Variants in NFATC3 observed in about 807,000 individuals in gnomAD.
NFATC3 encodes nuclear factor of activated T-cells, cytoplasmic 3.
Under a neutral mutation model 98.6 loss-of-function variants are expected in NFATC3, and 46 were observed. The observed-to-expected ratio is 0.47, with a 90% CI of 0.37 to 0.60. NFATC3 has a LOEUF of 0.60. Among genes scored for constraint, NFATC3 ranks in the 20% least tolerant of loss-of-function variants. The pLI is 0.00. For synonymous variants in NFATC3, 512 were observed against 472.2 expected (o/e 1.08, Z -1.09); for missense variants, 1,256 against 1,295.5 (o/e 0.97, Z 0.47).
chr16:68,119,113 C>T (rs901972498), intron 1 of NFATC3, among the ~76,000 whole-genome samples: 4 of 152,112 alleles, frequency 2.6e-5, no homozygotes, highest in Admixed American at 6.6e-5. Flanking sequence ...GTGATCCACC[C>T]GCCTCGGCCT....
rs139200618 is a variant in NFATC3, at chr16:68,193,114, A to G, written c.3106+1339A>G. Among the ~76,000 whole-genome samples, 763 of 152,280 alleles carry G rather than the reference A, an allele frequency of 5.0e-3. 8 individuals are homozygous for G. Among genetic ancestry groups the G allele is most frequent in the African/African-American group, 0.017 (697 of 41,542 alleles). ...TTTTTTTTCTTGTCTTATTCCCTAA[A>G]CAATATAATATTACAACTGTTCCCA... On this transcript the variant is annotated intron_variant, in intron 9 of 9. Transcript: ENST00000346183.
intron 1 of NFATC3, among the ~76,000 whole-genome samples, chr16:68,109,573 A>G (rs1487366968): frequency 1.3e-5 from 2 of 152,164 alleles, no homozygotes; most frequent in Non-Finnish European, 2.9e-5. Context: ...TGGTATCAGG[A>G]TAATGCTGGC....
At chr16:68,151,779 C>G (rs965651871) in intron 3 of NFATC3, among the ~76,000 whole-genome samples, 3 of 152,134 alleles carry the variant, frequency 2.0e-5, no homozygotes, top group Non-Finnish European at 4.4e-5. Flanking sequence ...TTAAGAAATA[C>G]CATTCTAAGT....
Position 68,183,785 on chromosome 16 carries a change from C to T in NFATC3, c.2098+419C>T, listed in dbSNP as rs377449458. On this transcript the variant is annotated intron_variant, in intron 8 of 9. Coordinates refer to ENST00000346183, the MANE Select transcript of NFATC3 (RefSeq NM_173165.3). ...TAGGGAGGCCGAGGCGGGAGGATCA[C>T]CTGAGGTTGGGAGTTTGAGACCAGC... Among the ~76,000 whole-genome samples, 45 of 152,062 alleles carry T rather than the reference C, an allele frequency of 3.0e-4. No homozygotes were observed. In the South Asian group the frequency reaches 9.1e-3, roughly 31 times the overall value.
rs937094009 is a variant in NFATC3, at chr16:68,085,412, G to T, written c.-270G>T. ...CCGCGGCGGCGGTGGCGGCGACTGT[G>T]GGGGGGCGGCGGGGAACATTGGCTA... On this transcript the variant is annotated 5_prime_UTR_variant, in exon 1 of 10. Coordinates refer to ENST00000346183, the MANE Select transcript of NFATC3 (RefSeq NM_173165.3). 48 of 246,532 alleles carry T rather than the reference G, an allele frequency of 1.9e-4. No individual in the cohort carries two copies. The highest frequency in any genetic ancestry group is 5.8e-4 in the East Asian group (8 of 13,684). The allele number at this position is 246,532 out of a possible 1,614,324, so 15.3% of individuals were successfully genotyped here.
At chr16:68,163,570 T>TC (rs2039014521) in intron 4 of NFATC3, among the ~76,000 whole-genome samples, 1 of 148,954 alleles carries the variant, frequency 6.7e-6, no homozygotes, top group Admixed American at 6.6e-5. Context: ...CTGGACGGGG[T>TC]GGCTGCCGGG....
chr16:68,223,873 T>G (rs1598636900), intron 9 of NFATC3, among the ~76,000 whole-genome samples: 1 of 136,288 alleles, frequency 7.3e-6, no homozygotes, highest in African/African-American at 2.8e-5. Flanking sequence ...CTAGCCTCGG[T>G]GACAGAGCAA....
At chr16:68,183,988 G>A (rs1024993731) in intron 8 of NFATC3, among the ~76,000 whole-genome samples, 2 of 130,670 alleles carry the variant, frequency 1.5e-5, no homozygotes, top group Non-Finnish European at 3.1e-5. Flanking sequence ...CCTGGGAAAC[G>A]AGCGAAACTC....
At chr16:68,104,616 C>T (rs941850127) in intron 1 of NFATC3, among the ~76,000 whole-genome samples, 3 of 149,782 alleles carry the variant, frequency 2.0e-5, no homozygotes, top group African/African-American at 7.4e-5. Flanking sequence ...TTTTGTTTTA[C>T]ACCACTATGA....
At chr16:68,107,029 C>A (rs1319071368) in intron 1 of NFATC3, among the ~76,000 whole-genome samples, 1 of 152,060 alleles carries the variant, frequency 6.6e-6, no homozygotes, top group Non-Finnish European at 1.5e-5. Flanking sequence ...GTTTTCTGTT[C>A]CTGCATTAGT....
intron 5 of NFATC3, among the ~76,000 whole-genome samples, chr16:68,173,958 G>T (rs1387115929): frequency 6.6e-6 from 1 of 152,060 alleles, no homozygotes; most frequent in East Asian, 1.9e-4. Flanking sequence ...AGACCAGGCT[G>T]GACGACAAAG....
intron 1 of NFATC3, among the ~76,000 whole-genome samples, chr16:68,100,907 G>GGTGTGTGTGT (rs753839799): frequency 7.0e-6 from 1 of 142,824 alleles, no homozygotes; most frequent in African/African-American, 2.5e-5. Context: ...GTGTGTGTGG[G>GGTGTGTGTGT]GTGTGTGTGT....
rs2230093 is a variant in NFATC3, at chr16:68,122,182, T to C, written c.299T>C (p.Leu100Ser). 843 of 1,614,090 alleles carry C rather than the reference T, an allele frequency of 5.2e-4. 6 individuals are homozygous for C. The African/African-American group carries it at 0.011, about 20-fold the overall frequency. The stretch of plus-strand genomic sequence containing the variant: ...ATTCCTGAATCTAAATATAGCCCAT[T>C]AGGTGGTCCCAAACCCTTTGAGTGC... ...CEIPESKYSPLGGPKPFECPS... is the reference protein window; with the variant it reads ...CEIPESKYSPSGGPKPFECPS... The change falls in exon 2 of 10, where the codon TTA becomes TCA. Residue 100 changes from leucine (L) to serine (S), a missense_variant. Transcript: ENST00000346183.
intron 1 of NFATC3, among the ~76,000 whole-genome samples, chr16:68,096,487 T>A (rs1478024037): frequency 6.6e-6 from 1 of 152,232 alleles, no homozygotes; most frequent in African/African-American, 2.4e-5. Flanking sequence ...AATCTTTTAA[T>A]TAAGTTTTGT....
chr16:68,155,429 G>C (rs1190965661), intron 3 of NFATC3, among the ~76,000 whole-genome samples: 2 of 152,192 alleles, frequency 1.3e-5, no homozygotes, highest in Non-Finnish European at 2.9e-5. Flanking sequence ...TAACATAGCT[G>C]AAGAGATGCC....
At chr16:68,174,273 CTCTT>C (rs1244635167) in intron 5 of NFATC3, 97 bp from the exon 6 acceptor site, 67 of 986,640 alleles carry the variant, frequency 6.8e-5, no homozygotes, top group Admixed American at 2.8e-4. Flanking sequence ...AAATTTGCTT[CTCTT>C]TATTTTCTTT....
intron 1 of NFATC3, among the ~76,000 whole-genome samples, chr16:68,095,446 A>G (rs2034969088): frequency 7.1e-6 from 1 of 141,242 alleles, no homozygotes; most frequent in Non-Finnish European, 1.5e-5. Flanking sequence ...TCCACCTCCC[A>G]GGTTCAAGTG....
rs372060636 is a variant in NFATC3 at position 68,087,488 on chromosome 16, TTTA to T, written c.103+1707_103+1709del. On this transcript the variant is annotated intron_variant, in intron 1 of 9. Transcript: ENST00000346183. ...ATTTCAAAAGGTAAACATCAGCAGTTTTATTTGTCACATAAAGTCCACTTTAAA... is the reference window on the plus strand; with the variant it reads ...ATTTCAAAAGGTAAACATCAGCAGTTTTTGTCACATAAAGTCCACTTTAAA... 3.4e-4 allele frequency among the ~76,000 whole-genome samples: 52 copies of T among 152,338 alleles called. No homozygotes were observed. In the East Asian group the frequency reaches 8.9e-3, roughly 26 times the overall value.
chr16:68,225,418 G>A (rs1218436810), intron 9 of NFATC3: 1 of 151,968 alleles, frequency 6.6e-6, no homozygotes, highest in Non-Finnish European at 1.5e-5. Context: ...ACCTTTTATT[G>A]TCTGGCCTAT....
Sources: allele counts gnomAD v4.1 joint callset (sites outside exome capture counted in the v4.1 genomes callset), GRCh38; gene constraint gnomAD v4.1.1; transcripts MANE v1.5; gene names NCBI Gene and HGNC (gene_info 2026-07-23, HGNC 2026-07-21).